The following EPB41L2 variants were observed in gnomAD, a reference collection of about 807,000 sequenced individuals.
EPB41L2 encodes the protein band 4.1-like protein 2.
Under a neutral mutation model 113.0 loss-of-function variants are expected in EPB41L2, and 43 were observed. The ratio of observed to expected loss-of-function variants is 0.38; its 90% CI spans 0.30 to 0.49. EPB41L2 has a LOEUF of 0.49. Among genes scored for constraint, EPB41L2 ranks in the 20% least tolerant of loss-of-function variants. EPB41L2 has a pLI of 0.95. For missense variants in EPB41L2, 1,147 were observed against 1,223.4 expected (o/e 0.94, Z 0.93); for synonymous variants, 442 against 436.7 (o/e 1.01, Z -0.15).
At chr6:131,010,254 G>A (rs1490835766) in intron 1 of EPB41L2, among the ~76,000 whole-genome samples, 2 of 152,136 alleles carry the variant, frequency 1.3e-5, no homozygotes, top group African/African-American at 4.8e-5. Flanking sequence ...TAGAAGTGAA[G>A]GCTAAGGAAG....
intron 1 of EPB41L2, among the ~76,000 whole-genome samples, chr6:130,957,720 G>C (rs1817931024): frequency 6.6e-6 from 1 of 151,730 alleles, no homozygotes; most frequent in Non-Finnish European, 1.5e-5. Context: ...GCTTTATTAA[G>C]ATATAATTCA....
In EPB41L2 at chr6:130,878,228, T is replaced by A; in HGVS notation, c.1919A>T (p.Asp640Val). The A allele has an allele frequency of 6.2e-7, 1 of 1,612,774 alleles. No homozygotes were observed. The highest frequency in any genetic ancestry group is 8.5e-7 in the Non-Finnish European group (1 of 1,179,552). ...MLEELDKAQE[D>V]ILKHQASISE... ...AATGCTAGCCTGATGTTTCAGTATG[T>A]CCTCCTGGGCCTTATCCAGTTCCTA... The change falls in exon 14 of 20, where the codon GAC becomes GTC. Residue 640 changes from aspartate to valine, a missense_variant. By Grantham distance (152) the Asp-to-Val change is radical. Coordinates refer to ENST00000337057, the MANE Select transcript of EPB41L2 (RefSeq NM_001431.4).
chr6:130,876,876 C>A, intron 14 of EPB41L2: 1 of 545,290 alleles, frequency 1.8e-6, no homozygotes, highest in Admixed American at 3.1e-5. Context: ...GTCAATGACA[C>A]ACACCAGGAG....
At chr6:130,853,577 CG>C (rs1562296845) in intron 19 of EPB41L2, among the ~76,000 whole-genome samples, 1 of 152,102 alleles carries the variant, frequency 6.6e-6, no homozygotes, top group Non-Finnish European at 1.5e-5. Context: ...TTCTTTTTAA[CG>C]GGGTTTGCAT....
chr6:130,999,261 AG>A (rs1369444396), intron 1 of EPB41L2, among the ~76,000 whole-genome samples: 6 of 152,074 alleles, frequency 3.9e-5, no homozygotes, highest in Non-Finnish European at 8.8e-5. Context: ...CACCTTACCA[AG>A]CAAGTCTGTC....
At chr6:130,867,411 A>G (rs1429966344) in intron 16 of EPB41L2, 48 bp downstream of exon 16, 4 of 1,594,172 alleles carry the variant, frequency 2.5e-6, no homozygotes, top group Non-Finnish European at 3.4e-6. Flanking sequence ...ACATAGATAC[A>G]CTAAGGGAAA....
chr6:130,882,322 G>A (rs1367692410), intron 12 of EPB41L2: 1 of 152,218 alleles, frequency 6.6e-6, no homozygotes, highest in African/African-American at 2.4e-5. Context: ...ACTGGTCAAT[G>A]GTATCAATGA....
intron 3 of EPB41L2, among the ~76,000 whole-genome samples, chr6:130,944,495 T>A (rs1004142267): frequency 1.3e-5 from 2 of 152,198 alleles, no homozygotes; most frequent in African/African-American, 4.8e-5. Context: ...TACAAGAGTT[T>A]AGCAGTTGTT....
At chr6:131,041,319 T>G (rs925298465) in intron 1 of EPB41L2, among the ~76,000 whole-genome samples, 1 of 152,156 alleles carries the variant, frequency 6.6e-6, no homozygotes, top group Non-Finnish European at 1.5e-5. Context: ...GGAAATAATG[T>G]ATCTAGGCAA....
chr6:130,869,212 GA>G (rs1462885055), intron 15 of EPB41L2, among the ~76,000 whole-genome samples: 2 of 151,664 alleles, frequency 1.3e-5, no homozygotes, highest in South Asian at 2.1e-4. Flanking sequence ...ACCAAAAGGG[GA>G]AAAAAAGGCA....
chr6:130,941,535 G>C (rs374233456), intron 3 of EPB41L2, among the ~76,000 whole-genome samples: 2 of 152,226 alleles, frequency 1.3e-5, no homozygotes, highest in Non-Finnish European at 2.9e-5. Flanking sequence ...TATTTGCCTA[G>C]AATGAATTTT....
chr6:130,956,281 A>G lies in EPB41L2; in HGVS notation c.205T>C (p.Ser69Pro). 6.2e-7 allele frequency: 1 copy of G among 1,613,982 alleles called. No homozygotes were observed. The highest frequency in any genetic ancestry group is 2.2e-5 in the East Asian group (1 of 44,880). The change falls in exon 2 of 20, where the codon TCG becomes CCG. Residue 69 changes from serine to proline, a missense_variant. Coordinates refer to ENST00000337057, the MANE Select transcript of EPB41L2 (RefSeq NM_001431.4). ...AACCGAGAAATACCCCTGCTCTCCGATGTTTCCTTCTCTCTCTTCTGGCGG... is the reference window on the plus strand; with the variant it reads ...AACCGAGAAATACCCCTGCTCTCCGGTGTTTCCTTCTCTCTCTTCTGGCGG... ...LRRQKREKETSESRGISRFIP... is the reference protein window; with the variant it reads ...LRRQKREKETPESRGISRFIP...
intron 1 of EPB41L2, among the ~76,000 whole-genome samples, chr6:131,002,232 C>T (rs1358627773): frequency 6.6e-6 from 1 of 152,132 alleles, no homozygotes; most frequent in African/African-American, 2.4e-5. Flanking sequence ...AGAGAAGAGA[C>T]CTTGTCCTCA....
chr6:131,042,177 TA>T (rs1562787224), intron 1 of EPB41L2, among the ~76,000 whole-genome samples: 1 of 152,242 alleles, frequency 6.6e-6, no homozygotes, highest in East Asian at 1.9e-4. Flanking sequence ...AGTATTTTTT[TA>T]AAAAGAAACT....
At chr6:130,979,042 G>A (rs542480127) in intron 1 of EPB41L2, among the ~76,000 whole-genome samples, 5 of 152,290 alleles carry the variant, frequency 3.3e-5, no homozygotes, top group African/African-American at 7.2e-5. Context: ...GAGGAGACAG[G>A]ACAAGGGAAG....
At chr6:130,970,934 T>C (rs933791689) in intron 1 of EPB41L2, among the ~76,000 whole-genome samples, 4 of 152,180 alleles carry the variant, frequency 2.6e-5, no homozygotes, top group African/African-American at 9.7e-5. Flanking sequence ...TCACCCAGGC[T>C]GGAGTGCAGT....
intron 1 of EPB41L2, among the ~76,000 whole-genome samples, chr6:131,019,240 C>A (rs1788924328): frequency 6.6e-6 from 1 of 152,074 alleles, no homozygotes. Flanking sequence ...TAGATTTGTT[C>A]CTAGGAAACA....
chr6:130,869,157 T>C (rs920683726), intron 15 of EPB41L2, among the ~76,000 whole-genome samples: 1 of 152,050 alleles, frequency 6.6e-6, no homozygotes, highest in African/African-American at 2.4e-5. Context: ...CACTCAGCAG[T>C]GACCATTTTT....
intron 1 of EPB41L2, among the ~76,000 whole-genome samples, chr6:131,056,004 A>C (rs1406038071): frequency 6.6e-6 from 1 of 152,216 alleles, no homozygotes; most frequent in Non-Finnish European, 1.5e-5. Flanking sequence ...ACCAGAAGCA[A>C]TAGACACAAT....
Sources: gnomAD v4.1 joint callset for allele counts (sites outside exome capture counted in the v4.1 genomes callset) on GRCh38, gnomAD v4.1.1 for gene constraint, MANE v1.5 for transcripts, NCBI Gene and HGNC (gene_info 2026-07-23, HGNC 2026-07-21) for gene names.